The following XKR4 variants were observed in gnomAD, a reference collection of about 807,000 sequenced individuals.
XKR4 encodes the protein XK related 4.
XKR4 carries 12 observed loss-of-function variants against 53.9 expected under a neutral mutation model. The observed-to-expected ratio is 0.22, with a 90% CI of 0.14 to 0.36. The LOEUF is 0.36. Ranked by LOEUF, XKR4 falls within the 10% of genes least tolerant of loss-of-function variation. XKR4 has a pLI of 1.00. For missense variants in XKR4, 799 were observed against 859.5 expected, an observed-to-expected ratio of 0.93 and a Z score of 0.88; for synonymous variants, 354 against 362.4, an observed-to-expected ratio of 0.98 and a Z score of 0.26.
At chr8:55,148,929 A>G (rs1816805849) in intron 1 of XKR4, among the ~76,000 whole-genome samples, 1 of 152,222 alleles carries the variant, frequency 6.6e-6, no homozygotes, top group Non-Finnish European at 1.5e-5. Context: ...ATGAATTATT[A>G]AAGACTTGAG....
intron 2 of XKR4, chr8:55,453,648 C>A (rs144262083): frequency 4.7e-6 from 2 of 422,294 alleles, no homozygotes; most frequent in Admixed American, 2.9e-5. Flanking sequence ...CACTGCATGG[C>A]GCCCTCATCC....
chr8:55,441,966 G>A (rs1373333155), intron 2 of XKR4, among the ~76,000 whole-genome samples: 4 of 151,450 alleles, frequency 2.6e-5, no homozygotes, highest in Admixed American at 6.6e-5. Context: ...AAAATAATAA[G>A]CCCAAAGAAA....
intron 1 of XKR4, among the ~76,000 whole-genome samples, chr8:55,239,563 C>T (rs993912965): frequency 3.9e-5 from 6 of 152,192 alleles, no homozygotes; most frequent in African/African-American, 1.4e-4. Flanking sequence ...CCCCACCTGG[C>T]TTCTGTTGAA....
At chr8:55,154,853 TTAAA>T (rs1159809693) in intron 1 of XKR4, among the ~76,000 whole-genome samples, 1 of 152,224 alleles carries the variant, frequency 6.6e-6, no homozygotes, top group East Asian at 1.9e-4. Context: ...AATAAGTCAA[TTAAA>T]TAGAGATTTG....
intron 1 of XKR4, among the ~76,000 whole-genome samples, chr8:55,350,933 G>T (rs1803715671): frequency 6.6e-6 from 1 of 151,860 alleles, no homozygotes; most frequent in African/African-American, 2.4e-5. Flanking sequence ...TAGAGATGGG[G>T]TTTCACCATG....
chr8:55,123,919 A>G (rs1286332028), intron 1 of XKR4, among the ~76,000 whole-genome samples: 2 of 152,216 alleles, frequency 1.3e-5, no homozygotes, highest in African/African-American at 4.8e-5. Context: ...ACAAAAATCA[A>G]TGGCAAGAGT....
intron 1 of XKR4, among the ~76,000 whole-genome samples, chr8:55,150,668 A>AT (rs1369008729): frequency 1.3e-5 from 2 of 151,802 alleles, no homozygotes; most frequent in South Asian, 2.1e-4. Flanking sequence ...TTACCAGACA[A>AT]TTTTTTTTGT....
intron 1 of XKR4, among the ~76,000 whole-genome samples, chr8:55,180,755 A>G (rs1302179511): frequency 6.6e-6 from 1 of 151,252 alleles, no homozygotes; most frequent in African/African-American, 2.4e-5. Context: ...CTGGCCTTGA[A>G]CTCCTGACCT....
intron 2 of XKR4, among the ~76,000 whole-genome samples, chr8:55,478,588 A>G (rs892527418): frequency 2.6e-5 from 4 of 152,206 alleles, no homozygotes; most frequent in African/African-American, 9.7e-5. Flanking sequence ...TGCTCCAATT[A>G]AAAGACACAG....
chr8:55,407,262 GCAGAGGAA>G (rs1804697960), intron 2 of XKR4, among the ~76,000 whole-genome samples: 1 of 152,212 alleles, frequency 6.6e-6, no homozygotes, highest in African/African-American at 2.4e-5. Flanking sequence ...TTTTTAAAAT[GCAGAGGAA>G]CAGAGGAAGA....
chr8:55,344,157 T>C (rs1803599929), intron 1 of XKR4, among the ~76,000 whole-genome samples: 1 of 152,190 alleles, frequency 6.6e-6, no homozygotes, highest in South Asian at 2.1e-4. Context: ...CCCTCCATAC[T>C]TGGCTGCCCA....
chr8:55,447,623 C>A lies in XKR4; in HGVS notation c.1007-75658C>A, dbSNP rs1486000985. ...TGGAGTACCATGAAATGATATCTGT[C>A]CACTACTGTATAATAGACAGCCCTG... On this transcript the variant is annotated intron_variant, in intron 2 of 2. Transcript: ENST00000327381. 4.6e-5 allele frequency among the ~76,000 whole-genome samples: 7 copies of A among 152,162 alleles called. No homozygotes were observed. The East Asian group carries it at 1.3e-3, about 29-fold the overall frequency.
In XKR4 at chr8:55,437,985, GAAA is replaced by G. The variant is rs989088727; in HGVS notation, c.1006+80109_1006+80111del. Among the ~76,000 whole-genome samples, 16 of 146,508 alleles carry G rather than the reference GAAA, an allele frequency of 1.1e-4. No homozygotes were observed. The South Asian group carries it at 1.5e-3, about 14-fold the overall frequency. On this transcript the variant is annotated intron_variant, in intron 2 of 2. Transcript: ENST00000327381. The stretch of plus-strand genomic sequence containing the variant: ...AAAAAAAGAAGAAGAAGAAGAAGAA[GAAA>G]GAAAGTAGGAACAGGCAGAAACAAG...
At chr8:55,498,293 G>A (rs1297962265) in intron 2 of XKR4, among the ~76,000 whole-genome samples, 1 of 152,166 alleles carries the variant, frequency 6.6e-6, no homozygotes, top group East Asian at 1.9e-4. Context: ...CCCCATGGTC[G>A]CCTTCCGTCC....
rs765886724 is a variant in XKR4, at chr8:55,309,734, A to C, written c.807-47944A>C. ...GTATCACTTCTTGCAGCTGCATGTG[A>C]ATCAACAATTATCTCAGTACAATTT... On this transcript the variant is annotated intron_variant, in intron 1 of 2. Transcript: ENST00000327381. 8.1e-4 allele frequency among the ~76,000 whole-genome samples: 124 copies of C among 152,236 alleles called. 1 individual carries two copies. The highest frequency in any genetic ancestry group is 3.4e-4 in the Non-Finnish European group (23 of 68,040).
intron 2 of XKR4, among the ~76,000 whole-genome samples, chr8:55,508,405 T>C (rs1006599255): frequency 2.0e-5 from 3 of 152,220 alleles, no homozygotes; most frequent in African/African-American, 7.2e-5. Flanking sequence ...TAATTATCAA[T>C]TGTGCTAGGC....
At chr8:55,462,142 C>T (rs988348191) in intron 2 of XKR4, among the ~76,000 whole-genome samples, 8 of 152,004 alleles carry the variant, frequency 5.3e-5, no homozygotes, top group East Asian at 1.9e-4. Flanking sequence ...AGATACTCCT[C>T]GAGAAGAGCA....
rs148358525 is a variant in XKR4 at position 55,447,861 on chromosome 8, A to G, written c.1007-75420A>G. 1.7e-3 allele frequency among the ~76,000 whole-genome samples: 253 copies of G among 152,336 alleles called. 1 individual carries two copies. Among genetic ancestry groups the G allele is most frequent in the Non-Finnish European group, 2.3e-3 (159 of 68,034 alleles). On this transcript the variant is annotated intron_variant, in intron 2 of 2. Transcript: ENST00000327381. ...GACTGGGGAATTTGAGACTTCTTTA[A>G]GTCAGTTTTGATGCTTGGTTTATTA...
At chr8:55,203,405 G>A (rs1185028384) in intron 1 of XKR4, among the ~76,000 whole-genome samples, 1 of 152,200 alleles carries the variant, frequency 6.6e-6, no homozygotes, top group East Asian at 1.9e-4. Context: ...TACTTTCAGG[G>A]GAGCCATGAG....
Sources: allele counts gnomAD v4.1 joint callset (sites outside exome capture counted in the v4.1 genomes callset), GRCh38; gene constraint gnomAD v4.1.1; transcripts MANE v1.5; gene names NCBI Gene and HGNC (gene_info 2026-07-23, HGNC 2026-07-21).